The following DPYSL5 variants were observed in gnomAD, a reference collection of about 807,000 sequenced individuals.
The protein encoded by DPYSL5 is dihydropyrimidinase-related protein 5.
Under a neutral mutation model 58.4 loss-of-function variants are expected in DPYSL5, and 9 were observed. The ratio of observed to expected loss-of-function variants is 0.15; its 90% CI spans 0.09 to 0.27. The LOEUF is 0.27. Ranked by LOEUF, DPYSL5 falls within the 10% of genes least tolerant of loss-of-function variation. The pLI is 1.00. For synonymous variants in DPYSL5, 293 were observed against 301.9 expected (o/e 0.97, Z 0.31); for missense variants, 499 against 770.6 (o/e 0.65, Z 4.17).
At chr2:26,873,573 T>C (rs1027470112) in intron 1 of DPYSL5, among the ~76,000 whole-genome samples, 1 of 152,168 alleles carries the variant, frequency 6.6e-6, no homozygotes, top group Admixed American at 6.5e-5. Flanking sequence ...AAAACTTCAA[T>C]AGTGCCAAGA....
In DPYSL5 at chr2:26,902,252, CATATT is replaced by C. The variant is rs367961747; in HGVS notation, c.261+3495_261+3499del. On this transcript the variant is annotated intron_variant, in intron 2 of 12. Transcript: ENST00000288699. The stretch of plus-strand genomic sequence containing the variant: ...GAATTTTAGTCTGGTTGTGGGGTCT[CATATT>C]ATTATTATTCTGCTTAAGTAGATGT... Among the ~76,000 whole-genome samples the C allele has an allele frequency of 2.4e-3, 370 of 151,936 alleles. 3 individuals carry two copies. Among genetic ancestry groups the C allele is most frequent in the African/African-American group, 8.7e-3 (359 of 41,414 alleles).
intron 2 of DPYSL5, among the ~76,000 whole-genome samples, chr2:26,906,866 T>C (rs979031769): frequency 1.3e-5 from 2 of 152,066 alleles, no homozygotes; most frequent in Non-Finnish European, 2.9e-5. Context: ...GCTCAAGCCA[T>C]ACTCCCACCT....
chr2:26,880,022 C>T lies in DPYSL5; in HGVS notation c.-4-18474C>T, dbSNP rs140618678. Among the ~76,000 whole-genome samples, 19 of 152,254 alleles carry T rather than the reference C, an allele frequency of 1.2e-4. No individual in the cohort carries two copies. In the East Asian group the frequency reaches 3.7e-3, roughly 29 times the overall value. ...CCTCCTGCCTCAGCCTCCTGAGCAG[C>T]TGGGTCTACAGGCACGCACCACCAC... On this transcript the variant is annotated intron_variant, in intron 1 of 12. Coordinates refer to ENST00000288699, the MANE Select transcript of DPYSL5 (RefSeq NM_020134.4).
At chr2:26,866,325 C>T (rs1039649800) in intron 1 of DPYSL5, among the ~76,000 whole-genome samples, 3 of 152,014 alleles carry the variant, frequency 2.0e-5, no homozygotes, top group African/African-American at 7.3e-5. Flanking sequence ...TATAGTTTTC[C>T]CCTGATTTTA....
Position 26,849,093 on chromosome 2 carries a change from G to T in DPYSL5, c.-5+839G>T, listed in dbSNP as rs897929763. 2.0e-5 allele frequency among the ~76,000 whole-genome samples: 3 copies of T among 151,604 alleles called. No individual in the cohort carries two copies. Among genetic ancestry groups the T allele is most frequent in the African/African-American group, 7.3e-5 (3 of 41,228 alleles). On this transcript the variant is annotated intron_variant, in intron 1 of 12. Transcript: ENST00000288699. The surrounding 1 kb of genome is among the most constrained non-coding windows in gnomAD (Gnocchi z 6.2). ...GGGGAGCTGGGTTAGGACAGGTAGT[G>T]GGTCTCGGGGAGCAGGGAGTGGGAA...
chr2:26,928,123 C>T (rs916250566), intron 4 of DPYSL5, 132 bp from the exon 5 acceptor site: 2 of 936,806 alleles, frequency 2.1e-6, no homozygotes, highest in African/African-American at 1.6e-5. Flanking sequence ...ACGAACACTG[C>T]AGAAGTGAGA....
At chr2:26,901,445 T>C (rs918018484) in intron 2 of DPYSL5, among the ~76,000 whole-genome samples, 1 of 152,072 alleles carries the variant, frequency 6.6e-6, no homozygotes, top group Non-Finnish European at 1.5e-5. Context: ...AGCCGAATGG[T>C]GTAGCTTCCC....
intron 1 of DPYSL5, among the ~76,000 whole-genome samples, chr2:26,880,004 C>T (rs1663515888): frequency 6.6e-6 from 1 of 152,182 alleles, no homozygotes; most frequent in Admixed American, 6.5e-5. Context: ...GATCCTCCTG[C>T]CTCAGCCTCC....
chr2:26,882,130 T>A (rs920807643), intron 1 of DPYSL5, among the ~76,000 whole-genome samples: 1 of 150,448 alleles, frequency 6.6e-6, no homozygotes, highest in Non-Finnish European at 1.5e-5. Flanking sequence ...AGGAAATTGG[T>A]TTGTCCCAGA....
chr2:26,867,446 T>A (rs1405977060), intron 1 of DPYSL5, among the ~76,000 whole-genome samples: 2 of 146,944 alleles, frequency 1.4e-5, no homozygotes, highest in Admixed American at 1.4e-4. Flanking sequence ...ATTGTTTGTT[T>A]TTTTTTTTGT....
intron 2 of DPYSL5, among the ~76,000 whole-genome samples, chr2:26,917,731 G>C (rs1284309292): frequency 6.6e-6 from 1 of 152,236 alleles, no homozygotes; most frequent in Non-Finnish European, 1.5e-5. Context: ...GTGATAAGCT[G>C]ATGGCTGGAC....
chr2:26,895,368 C>G (rs1227164492), intron 1 of DPYSL5, among the ~76,000 whole-genome samples: 2 of 152,188 alleles, frequency 1.3e-5, no homozygotes, highest in Non-Finnish European at 2.9e-5. Context: ...GTATGTCTCT[C>G]CACTTACTTA....
intron 1 of DPYSL5, among the ~76,000 whole-genome samples, chr2:26,892,204 C>G (rs535658045): frequency 6.6e-6 from 1 of 152,270 alleles, no homozygotes; most frequent in Non-Finnish European, 1.5e-5. Flanking sequence ...TCTGTTTATT[C>G]CTTAAAGTGA....
chr2:26,934,855 T>C lies in DPYSL5; in HGVS notation c.947+121T>C. On this transcript the variant is annotated intron_variant, in intron 8 of 12. Transcript: ENST00000288699. This position sits in a 1 kb window ranked among gnomAD's most constrained non-coding sequence, Gnocchi z 4.3. Reference sequence around the variant, plus strand: ...ATTGTGCCCATAGGATCATTGTGCTTTTCTTACCTTCTCTGAGCCCATCAG... The same window carrying C: ...ATTGTGCCCATAGGATCATTGTGCTCTTCTTACCTTCTCTGAGCCCATCAG... 1 of 1,336,422 alleles carries C rather than the reference T, an allele frequency of 7.5e-7. No homozygotes were observed. The highest frequency in any genetic ancestry group is 1.0e-6 in the Non-Finnish European group (1 of 967,112). 82.8% of individuals were successfully genotyped at this position (1,336,422 alleles called of 1,614,324 possible).
In DPYSL5 at chr2:26,924,974, C is replaced by T. The variant is rs1664793633; in HGVS notation, c.349C>T (p.Arg117Ter). The T allele has an allele frequency of 6.2e-7, 1 of 1,614,162 alleles. No homozygotes were observed. Among genetic ancestry groups the T allele is most frequent in the Non-Finnish European group, 8.5e-7 (1 of 1,180,022 alleles). Reference sequence around the variant, plus strand: ...CCTTGTGGACGCTTATGAGAAGTGCCGAGGTCTGGCCGACCCCAAGGTCTG... The same window carrying T: ...CCTTGTGGACGCTTATGAGAAGTGCTGAGGTCTGGCCGACCCCAAGGTCTG... ...TSLVDAYEKC[R>*]GLADPKVCCD... Residue 117 changes from arginine (R) to a stop codon, truncating the protein, a stop_gained, in exon 3 of 13, where the codon CGA becomes TGA. Transcript: ENST00000288699. LOFTEE classifies it high-confidence loss of function. This position sits in a 1 kb window ranked among gnomAD's most constrained non-coding sequence, Gnocchi z 4.7.
At chr2:26,869,217 G>A (rs1663196444) in intron 1 of DPYSL5, among the ~76,000 whole-genome samples, 1 of 152,114 alleles carries the variant, frequency 6.6e-6, no homozygotes, top group Non-Finnish European at 1.5e-5. Flanking sequence ...CACCCACCTT[G>A]GCCTCCCAAA....
intron 2 of DPYSL5, among the ~76,000 whole-genome samples, chr2:26,918,878 C>A (rs1664640639): frequency 6.6e-6 from 1 of 152,188 alleles, no homozygotes; most frequent in Non-Finnish European, 1.5e-5. Context: ...TTGGCTGTAG[C>A]CCAAGTGCCT....
rs531719106 is a variant in DPYSL5, at chr2:26,932,137, G to GAGAAAGAAAGAA, written c.714+515_714+526dup. Among the ~76,000 whole-genome samples, 123 of 59,726 alleles carry GAGAAAGAAAGAA rather than the reference G, an allele frequency of 2.1e-3. 12 individuals are homozygous for GAGAAAGAAAGAA. In the Middle Eastern group the frequency reaches 0.026, roughly 13 times the overall value. The allele number at this position is 59,726 out of a possible 152,430, so 39.2% of individuals were successfully genotyped here. ...GAAAAAAGAAAGAGAAAGAAAGAAA[G>GAGAAAGAAAGAA]AGAAAGAAAGAAAGAAAGAAAGAAA... On this transcript the variant is annotated intron_variant, in intron 6 of 12. Coordinates refer to ENST00000288699, the MANE Select transcript of DPYSL5 (RefSeq NM_020134.4).
chr2:26,931,691 C>G lies in DPYSL5; in HGVS notation c.714+7C>G. The G allele has an allele frequency of 6.2e-7, 1 of 1,613,608 alleles. No homozygotes were observed. The highest frequency in any genetic ancestry group is 8.5e-7 in the Non-Finnish European group (1 of 1,179,784). On this transcript the variant is annotated splice_region_variant and intron_variant, in intron 6 of 12. Coordinates refer to ENST00000288699, the MANE Select transcript of DPYSL5 (RefSeq NM_020134.4). ...TATCACCATTGCAAACAGGGTAAGTCCCCCGATGTCCACTGTGGGATTAGA... is the reference window on the plus strand; with the variant it reads ...TATCACCATTGCAAACAGGGTAAGTGCCCCGATGTCCACTGTGGGATTAGA...
Sources: allele counts gnomAD v4.1 joint callset (sites outside exome capture counted in the v4.1 genomes callset), GRCh38; gene constraint gnomAD v4.1.1; non-coding constraint Gnocchi (gnomAD v3.1); transcripts MANE v1.5; gene names NCBI Gene and HGNC (gene_info 2026-07-23, HGNC 2026-07-21).